TMEM120B: variants seen among roughly 807,000 people sequenced by gnomAD.
TMEM120B encodes transmembrane protein 120B.
Under a neutral mutation model 55.5 loss-of-function variants are expected in TMEM120B, and 31 were observed. The ratio of observed to expected loss-of-function variants is 0.56; its 90% CI spans 0.42 to 0.75. TMEM120B has a LOEUF of 0.75. TMEM120B is among the 30% of genes least tolerant of loss of function. The pLI is 0.00. For missense variants in TMEM120B, 399 were observed against 425.5 expected, an observed-to-expected ratio of 0.94 and a Z score of 0.55; for synonymous variants, 203 against 176.3, an observed-to-expected ratio of 1.15 and a Z score of -1.20.
At chr12:121,766,793 A>T (rs1283220731) in intron 6 of TMEM120B, among the ~76,000 whole-genome samples, 1 of 152,188 alleles carries the variant, frequency 6.6e-6, no homozygotes, top group Non-Finnish European at 1.5e-5. Context: ...AAAACAGCCG[A>T]TGTCTATTAC....
At chr12:121,715,454 C>T (rs1431358508) in intron 1 of TMEM120B, among the ~76,000 whole-genome samples, 1 of 152,236 alleles carries the variant, frequency 6.6e-6, no homozygotes, top group Admixed American at 6.5e-5. Context: ...TTGACTCTTT[C>T]TTAGGACTTG....
chr12:121,779,767 C>T lies in TMEM120B; in HGVS notation c.*4045C>T, dbSNP rs924399709. ...TCTGAGGACTCTGCAGGGATGGAGG[C>T]CTTGGTTTGGGCCTGTCTGTCTCCT... On this transcript the variant is annotated 3_prime_UTR_variant, in exon 12 of 12. Transcript: ENST00000449592. The T allele has an allele frequency of 6.3e-6, 8 of 1,262,012 alleles. 1 individual carries two copies. In the Admixed American group the frequency reaches 8.2e-5, roughly 13 times the overall value. 78.2% of individuals were successfully genotyped at this position (1,262,012 alleles called of 1,614,324 possible). A position where few individuals can be genotyped will look rare whatever the true frequency, so the allele number is the denominator to read the frequency against.
intron 1 of TMEM120B, 145 bp downstream of exon 1, chr12:121,713,109 A>C: frequency 1.7e-6 from 1 of 582,044 alleles, no homozygotes; most frequent in Non-Finnish European, 2.8e-6. Context: ...GGAGGCATGG[A>C]CCAGCCCCCT....
At chr12:121,739,542 A>C (rs1872861498) in intron 1 of TMEM120B, among the ~76,000 whole-genome samples, 1 of 151,922 alleles carries the variant, frequency 6.6e-6, no homozygotes, top group Admixed American at 6.6e-5. Flanking sequence ...ACACGATCTC[A>C]GCTAACTACA....
chr12:121,750,341 C>T lies in TMEM120B; in HGVS notation c.306-39C>T, dbSNP rs776743829. ...TTGAATGTTGTTGATTCGCACCCAC[C>T]TGCTAAGGATCATGCCCCTCACAGG... On this transcript the variant is annotated intron_variant, in intron 3 of 11. Transcript: ENST00000449592. 8 of 1,597,328 alleles carry T rather than the reference C, an allele frequency of 5.0e-6. No individual in the cohort carries two copies. The African/African-American group carries it at 9.4e-5, about 19-fold the overall frequency.
At chr12:121,767,605 CA>C (rs1159228087) in intron 6 of TMEM120B, among the ~76,000 whole-genome samples, 2 of 152,222 alleles carry the variant, frequency 1.3e-5, no homozygotes, top group Non-Finnish European at 2.9e-5. Context: ...AAAAGCCACT[CA>C]GTTGTGCACT....
intron 7 of TMEM120B, among the ~76,000 whole-genome samples, 155 bp downstream of exon 7, chr12:121,771,127 G>A (rs79559664): frequency 0.056 from 8,483 of 152,206 alleles, 393 homozygotes; most frequent in Non-Finnish European, 0.08. Context: ...CGGGCTGCGC[G>A]GGCCCCACCC....
At chr12:121,769,162 CAA>C (rs10590198) in intron 6 of TMEM120B, among the ~76,000 whole-genome samples, 68,750 of 138,496 alleles carry the variant, frequency 0.5, 17,197 homozygotes, top group Middle Eastern at 0.64. Flanking sequence ...AAAAAAAAGG[CAA>C]AAAAAAAAAC....
rs1874457202 is a variant in TMEM120B, at chr12:121,781,518, TAAA to T, written c.*5797_*5799del. 1 of 300,450 alleles carries T rather than the reference TAAA, an allele frequency of 3.3e-6. No individual in the cohort carries two copies. Among genetic ancestry groups the T allele is most frequent in the African/African-American group, 2.2e-5 (1 of 46,334 alleles). The allele number at this position is 300,450 out of a possible 1,614,324, so 18.6% of individuals were successfully genotyped here. A position where few individuals can be genotyped will look rare whatever the true frequency, so the allele number is the denominator to read the frequency against. On this transcript the variant is annotated 3_prime_UTR_variant, in exon 12 of 12. Coordinates refer to ENST00000449592, the MANE Select transcript of TMEM120B (RefSeq NM_001080825.2). ...GCAGCCCCCCAGTCCTGGATGGTGG[TAAA>T]GAATCCTCAAGATCAAACCCACGCA...
At chr12:121,760,129 CAAAAAAA>C (rs1006164597) in intron 5 of TMEM120B, among the ~76,000 whole-genome samples, 139 of 47,434 alleles carry the variant, frequency 2.9e-3, no homozygotes, top group Middle Eastern at 0.01. Context: ...AACTACGTCT[CAAAAAAA>C]AAAAAAAAAA....
intron 6 of TMEM120B, among the ~76,000 whole-genome samples, chr12:121,767,735 A>T (rs781513597): frequency 1.5e-4 from 23 of 152,182 alleles, no homozygotes; most frequent in Admixed American, 3.3e-4. Context: ...GGGCTTGTGA[A>T]TGCCGGGCCA....
chr12:121,735,054 C>T (rs1415291778), intron 1 of TMEM120B, among the ~76,000 whole-genome samples: 1 of 151,754 alleles, frequency 6.6e-6, no homozygotes, highest in African/African-American at 2.4e-5. Context: ...GGTGTGGTGG[C>T]ATGCGCCTGT....
chr12:121,768,869 G>A (rs1037952902), intron 6 of TMEM120B, among the ~76,000 whole-genome samples: 32 of 152,264 alleles, frequency 2.1e-4, no homozygotes, highest in South Asian at 1.0e-3. Flanking sequence ...AGCTGGGCCG[G>A]GTGCAGTGAC....
intron 1 of TMEM120B, among the ~76,000 whole-genome samples, chr12:121,718,684 A>G (rs188945500): frequency 1.3e-5 from 2 of 152,290 alleles, no homozygotes; most frequent in East Asian, 3.9e-4. Flanking sequence ...TCTTAGCTCT[A>G]GAAGAAAAGT....
intron 6 of TMEM120B, 56 bp downstream of exon 6, chr12:121,761,794 C>G: frequency 7.0e-7 from 1 of 1,429,534 alleles, no homozygotes; most frequent in Non-Finnish European, 9.9e-7. Context: ...GGAAATGTCA[C>G]GAGGGGCGTC....
chr12:121,734,666 C>A (rs1347590052), intron 1 of TMEM120B, among the ~76,000 whole-genome samples: 2 of 152,136 alleles, frequency 1.3e-5, no homozygotes, highest in African/African-American at 4.8e-5. Context: ...GTAATCCCAG[C>A]ACTTTGCGAG....
intron 1 of TMEM120B, among the ~76,000 whole-genome samples, chr12:121,741,401 C>T (rs1872929737): frequency 6.6e-6 from 1 of 152,218 alleles, no homozygotes; most frequent in Admixed American, 6.5e-5. Context: ...GCGATCTCGG[C>T]TCACCACAAC....
At position 121,779,372 on chromosome 12, in the gene TMEM120B, A is replaced by T; in HGVS notation, c.*3650A>T. 9.9e-7 allele frequency: 1 copy of T among 1,011,144 alleles called. No individual in the cohort carries two copies. Among genetic ancestry groups the T allele is most frequent in the African/African-American group, 1.6e-5 (1 of 61,834 alleles). 62.6% of individuals were successfully genotyped at this position (1,011,144 alleles called of 1,614,324 possible). ...AAAGGAGAGAGTTCCAGAATGTTCC[A>T]AGAGTCTAGCCGCAGGCCCCAGACA... On this transcript the variant is annotated 3_prime_UTR_variant, in exon 12 of 12. Coordinates refer to ENST00000449592, the MANE Select transcript of TMEM120B (RefSeq NM_001080825.2).
At chr12:121,772,129 C>T (rs55724607) in intron 8 of TMEM120B, among the ~76,000 whole-genome samples, 5 of 147,914 alleles carry the variant, frequency 3.4e-5, no homozygotes, top group East Asian at 2.0e-4. Flanking sequence ...CTCTCTTTCT[C>T]TCTTTCTTTC....
Sources: gnomAD v4.1 joint callset for allele counts (sites outside exome capture counted in the v4.1 genomes callset) on GRCh38, gnomAD v4.1.1 for gene constraint, MANE v1.5 for transcripts, NCBI Gene and HGNC (gene_info 2026-07-23, HGNC 2026-07-21) for gene names.